The following LDLRAD3 variants were observed in gnomAD, a reference collection of about 807,000 sequenced individuals.
LDLRAD3 encodes the protein low-density lipoprotein receptor class A domain-containing protein 3.
In LDLRAD3, 20 loss-of-function variants were observed where a neutral mutation model predicts 29.4. That is an observed-to-expected ratio of 0.68 (90% CI 0.48 to 0.99). LDLRAD3 has a LOEUF of 0.99. Ranked by LOEUF, LDLRAD3 falls within the 50% of genes least tolerant of loss-of-function variation. LDLRAD3 has a pLI of 0.00. For synonymous variants in LDLRAD3, 157 were observed against 192.7 expected (o/e 0.81, Z 1.53); for missense variants, 420 against 454.3 (o/e 0.92, Z 0.69).
chr11:35,967,699 C>G (rs1851359512), intron 1 of LDLRAD3: 1 of 474,774 alleles, frequency 2.1e-6, no homozygotes, highest in African/African-American at 2.0e-5. Context: ...CCGGGTGCAC[C>G]ATGCCAGAGT....
chr11:35,953,370 G>A (rs1446356223), intron 1 of LDLRAD3, among the ~76,000 whole-genome samples: 3 of 152,182 alleles, frequency 2.0e-5, no homozygotes, highest in Admixed American at 2.0e-4. Flanking sequence ...CATACCCAAG[G>A]TGCCAGTGTT....
At chr11:36,191,538 G>GTCTCTCTCTCTCTCTCTCTCTCTCTC (rs751965155) in intron 4 of LDLRAD3, among the ~76,000 whole-genome samples, 1 of 55,694 alleles carries the variant, frequency 1.8e-5, no homozygotes, top group Non-Finnish European at 3.2e-5. Flanking sequence ...GCAAGACCCT[G>GTCTCTCTCTCTCTCTCTCTCTCTCTC]TCTCTCTCTC....
intron 2 of LDLRAD3, among the ~76,000 whole-genome samples, chr11:36,071,899 TG>T (rs915200971): frequency 2.6e-5 from 4 of 152,228 alleles, no homozygotes; most frequent in African/African-American, 9.6e-5. Context: ...CACTAGTTTT[TG>T]AGACCATGCT....
intron 1 of LDLRAD3, among the ~76,000 whole-genome samples, chr11:36,005,946 G>A (rs982853265): frequency 3.9e-5 from 6 of 152,118 alleles, no homozygotes; most frequent in Admixed American, 3.3e-4. Context: ...CAGCAAGGGG[G>A]AAATCCATCC....
At chr11:35,996,351 TATTG>T (rs1851754518) in intron 1 of LDLRAD3, among the ~76,000 whole-genome samples, 1 of 152,180 alleles carries the variant, frequency 6.6e-6, no homozygotes, top group Non-Finnish European at 1.5e-5. Context: ...CTCATGTATT[TATTG>T]ATGAAGTTGT....
intron 1 of LDLRAD3, among the ~76,000 whole-genome samples, chr11:35,946,382 G>A (rs1367553857): frequency 2.0e-5 from 3 of 152,204 alleles, no homozygotes; most frequent in Non-Finnish European, 4.4e-5. Flanking sequence ...GTCTTTGTGG[G>A]GCTGGAAAGC....
intron 3 of LDLRAD3, 97 bp downstream of exon 3, chr11:36,081,875 A>T: frequency 7.0e-7 from 1 of 1,421,264 alleles, no homozygotes; most frequent in Non-Finnish European, 9.7e-7. Context: ...TCTTATACCT[A>T]GAGGCTCAGG....
At chr11:36,069,382 T>C (rs1050350854) in intron 2 of LDLRAD3, among the ~76,000 whole-genome samples, 3 of 152,240 alleles carry the variant, frequency 2.0e-5, no homozygotes, top group Non-Finnish European at 2.9e-5. Context: ...GTTTGACCTT[T>C]TACCAAATGA....
intron 3 of LDLRAD3, among the ~76,000 whole-genome samples, chr11:36,095,243 G>A (rs535094712): frequency 1.2e-4 from 19 of 152,226 alleles, no homozygotes; most frequent in Admixed American, 1.1e-3. Flanking sequence ...AAATTCCTGG[G>A]CCATGCCATG....
At chr11:36,136,691 T>G (rs564725201) in intron 4 of LDLRAD3, among the ~76,000 whole-genome samples, 8 of 150,738 alleles carry the variant, frequency 5.3e-5, no homozygotes, top group African/African-American at 1.5e-4. Flanking sequence ...GTGAGCCAAC[T>G]AATCCTCTTT....
intron 1 of LDLRAD3, among the ~76,000 whole-genome samples, chr11:35,975,830 ATT>A (rs35771900): frequency 0.012 from 1,620 of 136,672 alleles, 31 homozygotes; most frequent in African/African-American, 0.032. Context: ...AGCACTGGGG[ATT>A]TTTTTTTTTT....
At chr11:36,107,345 G>A (rs11033430) in intron 4 of LDLRAD3, among the ~76,000 whole-genome samples, 24,873 of 151,688 alleles carry the variant, frequency 0.16, 2,347 homozygotes, top group Admixed American at 0.26. Context: ...AGAGGCGCCC[G>A]CTACTATGTC....
intron 2 of LDLRAD3, among the ~76,000 whole-genome samples, chr11:36,041,093 G>C (rs1417667382): frequency 6.6e-6 from 1 of 152,084 alleles, no homozygotes; most frequent in Non-Finnish European, 1.5e-5. Context: ...GGTTAGTGGA[G>C]TGCCCTCAGT....
chr11:36,211,392 G>T (rs1220139063), intron 4 of LDLRAD3, among the ~76,000 whole-genome samples: 1 of 152,148 alleles, frequency 6.6e-6, no homozygotes, highest in East Asian at 1.9e-4. Flanking sequence ...ATGCTTGGTG[G>T]GAATATAAAG....
intron 4 of LDLRAD3, among the ~76,000 whole-genome samples, chr11:36,223,708 A>G (rs959583777): frequency 6.6e-5 from 10 of 151,726 alleles, no homozygotes; most frequent in South Asian, 4.2e-4. Context: ...ACAGAGTGAT[A>G]CCTTGTCTCA....
In LDLRAD3 at chr11:36,092,626, C is replaced by G. The variant is rs188777248; in HGVS notation, c.320-5701C>G. On this transcript the variant is annotated intron_variant, in intron 3 of 5. Transcript: ENST00000315571. ...GAATTCTTGAGGTTGCTTTTTAGAG[C>G]GTTTCTGTCCCCTTCTCTGGCTGTC... Among the ~76,000 whole-genome samples the G allele has an allele frequency of 5.0e-3, 768 of 152,282 alleles. 12 individuals are homozygous for G. The highest frequency in any genetic ancestry group is 0.036 in the Admixed American group (547 of 15,294).
At chr11:35,960,427 A>G (rs927837747) in intron 1 of LDLRAD3, among the ~76,000 whole-genome samples, 1 of 152,216 alleles carries the variant, frequency 6.6e-6, no homozygotes, top group Non-Finnish European at 1.5e-5. Flanking sequence ...CACGTTTTCA[A>G]CCTGAGTAGA....
At chr11:36,122,341 A>G (rs548267251) in intron 4 of LDLRAD3, among the ~76,000 whole-genome samples, 19 of 152,182 alleles carry the variant, frequency 1.2e-4, no homozygotes, top group South Asian at 2.1e-4. Flanking sequence ...GAGAAGTGGG[A>G]AGGGCTTGTG....
rs140642588 is a variant in LDLRAD3, at chr11:36,045,925, G to A, written c.193+9676G>A. On this transcript the variant is annotated intron_variant, in intron 2 of 5. Coordinates refer to ENST00000315571, the MANE Select transcript of LDLRAD3 (RefSeq NM_174902.4). ...ACCTGTCATCTAGGTTTTAAGACCC[G>A]CGTGCATTAGGTATTTGTCCTAATG... 6.6e-4 allele frequency among the ~76,000 whole-genome samples: 100 copies of A among 152,006 alleles called. 1 individual carries two copies. In the East Asian group the frequency reaches 0.015, roughly 23 times the overall value.
Sources: gnomAD v4.1 joint callset for allele counts (sites outside exome capture counted in the v4.1 genomes callset) on GRCh38, gnomAD v4.1.1 for gene constraint, MANE v1.5 for transcripts, NCBI Gene and HGNC (gene_info 2026-07-23, HGNC 2026-07-21) for gene names.